Variants in OGA observed in about 807,000 individuals in gnomAD.
The protein encoded by OGA is O-GlcNAcase.
Under a neutral mutation model 102.0 loss-of-function variants are expected in OGA, and 21 were observed. That is an observed-to-expected ratio of 0.21 (90% CI 0.15 to 0.30). The LOEUF is 0.30. OGA is among the 10% of genes least tolerant of loss of function. OGA has a pLI of 1.00. For missense variants in OGA, 765 were observed against 1,107.8 expected (o/e 0.69, Z 4.39); for synonymous variants, 408 against 378.2 (o/e 1.08, Z -0.91).
In OGA at chr10:101,786,170, C is replaced by G. The variant is rs2065188376; in HGVS notation, c.*281G>C. The G allele has an allele frequency of 3.9e-6, 1 of 254,702 alleles. No individual in the cohort carries two copies. Among genetic ancestry groups the G allele is most frequent in the Admixed American group, 5.4e-5 (1 of 18,412 alleles). 15.8% of individuals were successfully genotyped at this position (254,702 alleles called of 1,614,324 possible). On this transcript the variant is annotated 3_prime_UTR_variant, in exon 16 of 16. Transcript: ENST00000361464. Reference sequence around the variant, plus strand: ...GTGCTGACTACATTTATTGAAGACTCTCTCCCTGTATAAGCCCATGTAAAA... The same window carrying G: ...GTGCTGACTACATTTATTGAAGACTGTCTCCCTGTATAAGCCCATGTAAAA...
Position 101,790,903 on chromosome 10 carries a change from T to A in OGA, c.2447A>T (p.Glu816Val). Residue 816 changes from glutamate (E) to valine (V), a missense_variant, in exon 14 of 16, where the codon GAG becomes GTG. This residue lies in a region of OGA where 146 missense variants were observed against 269.7 expected (regional missense o/e 0.54). Transcript: ENST00000361464. ...TCTTAACCTTTGTATTACCTCAGCC[T>A]CAGAGAGTTCCTTGTCACCATTTGG... is the stretch of plus-strand genomic sequence containing the variant. Reference protein sequence around the residue: ...TKPNGDKELSEAEKIMLSFHE... With the variant: ...TKPNGDKELSVAEKIMLSFHE... The A allele has an allele frequency of 1.2e-6, 2 of 1,603,088 alleles. No individual in the cohort carries two copies. The highest frequency in any genetic ancestry group is 1.7e-6 in the Non-Finnish European group (2 of 1,170,992).
At chr10:101,812,948 TA>T in intron 3 of OGA, 81 bp downstream of exon 3, 1 of 1,110,468 alleles carries the variant, frequency 9.0e-7, no homozygotes, top group Non-Finnish European at 1.4e-6. Flanking sequence ...TAAAATGTCA[TA>T]AAATTCTTGT....
chr10:101,803,664 C>T (rs2065428265), intron 7 of OGA, 71 bp downstream of exon 7: 1 of 1,383,316 alleles, frequency 7.2e-7, no homozygotes, highest in South Asian at 1.3e-5. Flanking sequence ...CAAAGGAATG[C>T]ATACTTTCCA....
rs1388246968 is a variant in OGA, at chr10:101,807,851, G to A, written c.531C>T (p.Asp177=). Residue 177 remains aspartate (D), a synonymous_variant, in exon 5 of 16, where the codon GAC becomes GAT. Transcript: ENST00000361464. ...CTTTGTCTGCTGCACACATATTATG[G>A]TCTATATCATCAAAAAGCAAAGCAA... is the stretch of plus-strand genomic sequence containing the variant. The part of the protein sequence containing the change: ...RSFALLFDDI[D]HNMCAADKEV... The A allele has an allele frequency of 7.5e-6, 12 of 1,601,520 alleles. No individual in the cohort carries two copies. Among genetic ancestry groups the A allele is most frequent in the Non-Finnish European group, 8.5e-7 (1 of 1,175,506 alleles).
chr10:101,800,498 C>T lies in OGA; in HGVS notation c.1037-98G>A, dbSNP rs1306865402. On this transcript the variant is annotated intron_variant, in intron 7 of 15. Transcript: ENST00000361464. ...AATGCAACTAGTTTTCACAGTATAA[C>T]CACAGAAACAAAGAACAGAATGAGA... 3 of 882,810 alleles carry T rather than the reference C, an allele frequency of 3.4e-6. 1 individual carries two copies. Among genetic ancestry groups the T allele is most frequent in the South Asian group, 3.5e-5 (2 of 56,890 alleles). The allele number at this position is 882,810 out of a possible 1,614,324, so 54.7% of individuals were successfully genotyped here. A position where few individuals can be genotyped will look rare whatever the true frequency, so the allele number is the denominator to read the frequency against.
At chr10:101,812,959 T>C in intron 3 of OGA, 71 bp downstream of exon 3, 2 of 1,170,502 alleles carry the variant, frequency 1.7e-6, no homozygotes, top group Non-Finnish European at 2.6e-6. Context: ...AAAATTCTTG[T>C]ACAACTACAT....
At chr10:101,811,322 G>C (rs964465191) in intron 3 of OGA, among the ~76,000 whole-genome samples, 1 of 144,470 alleles carries the variant, frequency 6.9e-6, no homozygotes, top group Admixed American at 7.3e-5. Context: ...CCTGGAGGCA[G>C]AGGTTGCAGT....
chr10:101,804,720 A>G (rs2065444053), intron 6 of OGA, among the ~76,000 whole-genome samples: 1 of 152,124 alleles, frequency 6.6e-6, no homozygotes, highest in East Asian at 1.9e-4. Context: ...CCTCCCAAGT[A>G]GCTGGGACTA....
chr10:101,784,741 A>T lies in OGA; in HGVS notation c.*1710T>A, dbSNP rs2065175359. ...CATGAGGTTAACTCTGAAATCCTCCAAACAAAATGCTAGAATTGTCCACTA... is the reference window on the plus strand; with the variant it reads ...CATGAGGTTAACTCTGAAATCCTCCTAACAAAATGCTAGAATTGTCCACTA... On this transcript the variant is annotated 3_prime_UTR_variant, in exon 16 of 16. Coordinates refer to ENST00000361464, the MANE Select transcript of OGA (RefSeq NM_012215.5). 1 of 152,228 alleles carries T rather than the reference A, an allele frequency of 6.6e-6. No individual in the cohort carries two copies. The highest frequency in any genetic ancestry group is 1.5e-5 in the Non-Finnish European group (1 of 68,042). The allele number at this position is 152,228 out of a possible 1,614,324, so 9.4% of individuals were successfully genotyped here. A position where few individuals can be genotyped will look rare whatever the true frequency, so the allele number is the denominator to read the frequency against.
chr10:101,817,768 C>G (rs955398886), intron 1 of OGA, 56 bp downstream of exon 1: 2 of 1,520,756 alleles, frequency 1.3e-6, no homozygotes, highest in Non-Finnish European at 1.8e-6. Flanking sequence ...CCACCACCCT[C>G]CTCCCGAGGA....
intron 2 of OGA, 58 bp downstream of exon 2, chr10:101,813,497 A>G: frequency 8.8e-7 from 1 of 1,130,992 alleles, no homozygotes. Context: ...TTCTTCAAAC[A>G]AAAGAAAATG....
Position 101,786,484 on chromosome 10 carries a change from T to C in OGA, c.2718A>G (p.Pro906=), listed in dbSNP as rs1589820040. ...TCCGACCAAGTATAACCACATCCTT[T>C]GGAAATCCTTCCATTTTTGCAATTT... The part of the protein sequence containing the change: ...CFEIAKMEGF[P]KDVVILGRSL The change falls in exon 16 of 16, where the codon CCA becomes CCG. Residue 906 remains proline (P), a synonymous_variant. Coordinates refer to ENST00000361464, the MANE Select transcript of OGA (RefSeq NM_012215.5). 3 of 1,611,662 alleles carry C rather than the reference T, an allele frequency of 1.9e-6. No homozygotes were observed. In the East Asian group the frequency reaches 6.7e-5, roughly 36 times the overall value.
intron 1 of OGA, among the ~76,000 whole-genome samples, chr10:101,817,623 G>A (rs1272448878): frequency 6.6e-6 from 1 of 152,136 alleles, no homozygotes. Flanking sequence ...ACTTGTGAGT[G>A]GCCAGGGGGG....
intron 1 of OGA, 67 bp downstream of exon 1, chr10:101,817,757 G>A (rs1298994926): frequency 1.5e-5 from 23 of 1,501,806 alleles, no homozygotes; most frequent in Middle Eastern, 4.7e-4. Flanking sequence ...CAAAATCCCC[G>A]CCACCACCCT....
rs768122149 is a variant in OGA at position 101,813,612 on chromosome 10, T to C, written c.200-6A>G. 1 of 1,530,400 alleles carries C rather than the reference T, an allele frequency of 6.5e-7. No individual in the cohort carries two copies. The highest frequency in any genetic ancestry group is 1.2e-5 in the South Asian group (1 of 85,288). The allele number at this position is 1,530,400 out of a possible 1,614,324, so 94.8% of individuals were successfully genotyped here. On this transcript the variant is annotated splice_region_variant and splice_polypyrimidine_tract_variant and intron_variant, in intron 1 of 15. Transcript: ENST00000361464. ...CCAAGGTCTTCCATAAAATCCTAGA[T>C]TCAAAGTAAGAATGAAATTATATTC...
rs929625815 is a variant in OGA at position 101,786,343 on chromosome 10, A to G, written c.*108T>C. 7 of 1,161,888 alleles carry G rather than the reference A, an allele frequency of 6.0e-6. No homozygotes were observed. The highest frequency in any genetic ancestry group is 2.4e-5 in the South Asian group (1 of 41,978). 72.0% of individuals were successfully genotyped at this position (1,161,888 alleles called of 1,614,324 possible). A position where few individuals can be genotyped will look rare whatever the true frequency, so the allele number is the denominator to read the frequency against. The stretch of plus-strand genomic sequence containing the variant: ...CATAGTCTTCTTTGTTTCGAATCCA[A>G]TTGGCTGATTTGTTACCATTCTAGA... On this transcript the variant is annotated 3_prime_UTR_variant, in exon 16 of 16. Transcript: ENST00000361464.
intron 7 of OGA, among the ~76,000 whole-genome samples, chr10:101,802,518 A>C (rs2065406479): frequency 6.6e-6 from 1 of 151,862 alleles, no homozygotes; most frequent in South Asian, 2.1e-4. Context: ...AAAAATACAA[A>C]ATTAGCCAGG....
At chr10:101,804,879 G>A (rs1026166791) in intron 6 of OGA, among the ~76,000 whole-genome samples, 4 of 152,104 alleles carry the variant, frequency 2.6e-5, no homozygotes, top group African/African-American at 9.7e-5. Flanking sequence ...TTACAGGCAC[G>A]AACCAATGCA....
At chr10:101,795,777 TAAA>T (rs2065306517) in intron 10 of OGA, 1 of 488,802 alleles carries the variant, frequency 2.0e-6, no homozygotes, top group Admixed American at 6.4e-5. Context: ...GGGCCACACA[TAAA>T]ATACACTAAT....
Sources: gnomAD v4.1 joint callset for allele counts (sites outside exome capture counted in the v4.1 genomes callset) on GRCh38, gnomAD v4.1.1 for gene constraint, gnomAD v4.1.1 regional missense constraint, MANE v1.5 for transcripts, NCBI Gene and HGNC (gene_info 2026-07-23, HGNC 2026-07-21) for gene names.